EPG5: variants seen among roughly 807,000 people sequenced by gnomAD.
EPG5 encodes ectopic P granules protein 5 homolog.
Under a neutral mutation model 302.7 loss-of-function variants are expected in EPG5, and 159 were observed. The observed-to-expected ratio is 0.53, with a 90% CI of 0.46 to 0.60. The LOEUF (loss-of-function observed/expected upper bound fraction) is 0.60. Ranked by LOEUF, EPG5 falls within the 20% of genes least tolerant of loss-of-function variation. The pLI, the probability that EPG5 is intolerant of heterozygous loss-of-function variation, is 0.00. For missense variants in EPG5, 2,896 were observed against 3,092.4 expected (o/e 0.94, Z 1.51); for synonymous variants, 1,158 against 1,136.8 (o/e 1.02, Z -0.37).
chr18:45,857,753 C>A, intron 42 of EPG5, 100 bp downstream of exon 42: 1 of 784,180 alleles, frequency 1.3e-6, no homozygotes, highest in East Asian at 2.6e-5. Flanking sequence ...GAACCTAGAT[C>A]CTAAGTCGAA....
At chr18:45,965,948 G>A (rs1277275965) in intron 1 of EPG5, among the ~76,000 whole-genome samples, 5 of 152,140 alleles carry the variant, frequency 3.3e-5, no homozygotes, top group Admixed American at 1.3e-4. Context: ...AGTTACTCGG[G>A]AGGCTGAGGC....
intron 12 of EPG5, 65 bp downstream of exon 12, chr18:45,930,611 A>T: frequency 7.2e-7 from 1 of 1,396,408 alleles, no homozygotes; most frequent in Non-Finnish European, 9.6e-7. Flanking sequence ...TCCCCCAAAA[A>T]ATCAACAGAT....
intron 16 of EPG5, among the ~76,000 whole-genome samples, chr18:45,919,678 A>C (rs1232645917): frequency 3.1e-4 from 46 of 148,888 alleles, no homozygotes; most frequent in Non-Finnish European, 4.1e-4. Flanking sequence ...ACGCCCGGCT[A>C]ATTTTTTGTA....
chr18:45,819,246 A>T, the EPG5 span, among the ~76,000 whole-genome samples: 1 of 152,232 alleles, frequency 6.6e-6, no homozygotes, highest in Non-Finnish European at 1.5e-5. Context: ...AGAATTGAGA[A>T]GAATATGTAG....
the EPG5 span, chr18:45,838,957 T>C: frequency 6.2e-7 from 1 of 1,604,702 alleles, no homozygotes; most frequent in African/African-American, 1.3e-5. Context: ...CCTGGGCCGC[T>C]CCGAGGCCAG....
chr18:45,817,416 A>G, the EPG5 span, among the ~76,000 whole-genome samples: 10 of 152,232 alleles, frequency 6.6e-5, no homozygotes, highest in Non-Finnish European at 1.3e-4. Context: ...AATTACAAGG[A>G]CACCAAAACT....
intron 1 of EPG5, among the ~76,000 whole-genome samples, chr18:45,960,828 T>C (rs2051132997): frequency 6.6e-6 from 1 of 151,958 alleles, no homozygotes; most frequent in African/African-American, 2.4e-5. Flanking sequence ...AAAACTAAAG[T>C]TTTTTTTAAG....
rs147818976 is a variant in EPG5 at position 45,966,053 on chromosome 18, T to C, written c.63+1124A>G. 7.2e-3 allele frequency among the ~76,000 whole-genome samples: 1,028 copies of C among 141,850 alleles called. 18 individuals carry two copies. Among genetic ancestry groups the C allele is most frequent in the African/African-American group, 0.026 (989 of 37,850 alleles). 93.1% of individuals were successfully genotyped at this position (141,850 alleles called of 152,430 possible). ...TCCAGCCTGGACGACAGAGCGAGACTCCATATCAAAACAAAAACAAAAACA... is the reference window on the plus strand; with the variant it reads ...TCCAGCCTGGACGACAGAGCGAGACCCCATATCAAAACAAAAACAAAAACA... On this transcript the variant is annotated intron_variant, in intron 1 of 43. Coordinates refer to ENST00000282041, the MANE Select transcript of EPG5 (RefSeq NM_020964.3).
downstream of EPG5, chr18:45,842,851 G>A (rs544936): frequency 0.055 from 8,332 of 152,680 alleles, 410 homozygotes; most frequent in African/African-American, 0.13. Flanking sequence ...GCAGTGTCAC[G>A]GAGAACACAG....
the EPG5 span, among the ~76,000 whole-genome samples, chr18:45,824,134 GGCA>G: frequency 2.0e-5 from 3 of 152,206 alleles, no homozygotes; most frequent in African/African-American, 7.2e-5. Flanking sequence ...AAGGAGGGGA[GGCA>G]CAGACAGTAG....
the EPG5 span, chr18:45,837,701 A>G: frequency 6.8e-7 from 1 of 1,480,092 alleles, no homozygotes; most frequent in South Asian, 1.3e-5. Context: ...GGCGCGGGGC[A>G]GCGAGCTCTG....
At chr18:45,938,942 A>C (rs755750311) in intron 10 of EPG5, among the ~76,000 whole-genome samples, 2 of 152,206 alleles carry the variant, frequency 1.3e-5, no homozygotes, top group Admixed American at 6.5e-5. Context: ...GTAGTTCATA[A>C]GCACAGCTGG....
intron 34 of EPG5, among the ~76,000 whole-genome samples, chr18:45,876,874 C>A (rs149692619): frequency 6.6e-6 from 1 of 152,174 alleles, no homozygotes. Flanking sequence ...ACCTTCACCT[C>A]CAGGGTTCAA....
At chr18:45,812,493 G>A in the EPG5 span, among the ~76,000 whole-genome samples, 1 of 152,128 alleles carries the variant, frequency 6.6e-6, no homozygotes, top group African/African-American at 2.4e-5. Context: ...AAAGCTGGAG[G>A]CATCACACTA....
At chr18:45,854,490 C>T (rs898584075) in intron 43 of EPG5, among the ~76,000 whole-genome samples, 1 of 152,220 alleles carries the variant, frequency 6.6e-6, no homozygotes, top group Non-Finnish European at 1.5e-5. Flanking sequence ...CCAACACTTA[C>T]TAGGTGTGTA....
At chr18:45,806,515 G>T in the EPG5 span, among the ~76,000 whole-genome samples, 1 of 152,274 alleles carries the variant, frequency 6.6e-6, no homozygotes, top group African/African-American at 2.4e-5. Context: ...TACTGTGAGT[G>T]CCCAAACTGT....
intron 9 of EPG5, among the ~76,000 whole-genome samples, chr18:45,941,295 G>T (rs1425035939): frequency 6.6e-6 from 1 of 152,174 alleles, no homozygotes; most frequent in African/African-American, 2.4e-5. Context: ...GAGAAAGGCT[G>T]CTATGTAAGC....
rs556308009 is a variant in EPG5 at position 45,874,194 on chromosome 18, A to G, written c.6049+2042T>C. ...ATGATGCCTTAATGTAGGTTCATCA[A>G]TTATAACAAATGTATCACCCTGGTG... On this transcript the variant is annotated intron_variant, in intron 35 of 43. Transcript: ENST00000282041. Among the ~76,000 whole-genome samples the G allele has an allele frequency of 4.6e-5, 7 of 152,378 alleles. No individual in the cohort carries two copies. The South Asian group carries it at 1.0e-3, about 23-fold the overall frequency.
chr18:45,876,956 G>A (rs1219544731), intron 34 of EPG5, among the ~76,000 whole-genome samples: 3 of 151,982 alleles, frequency 2.0e-5, no homozygotes, highest in African/African-American at 7.2e-5. Flanking sequence ...GCTAATTTTT[G>A]TATTTTTAGC....
Sources: gnomAD v4.1 joint callset for allele counts (sites outside exome capture counted in the v4.1 genomes callset) on GRCh38, gnomAD v4.1.1 for gene constraint, MANE v1.5 for transcripts, NCBI Gene and HGNC (gene_info 2026-07-23, HGNC 2026-07-21) for gene names.